Variants in PTPRN2 observed in about 807,000 individuals in gnomAD.
PTPRN2 encodes the protein receptor-type tyrosine-protein phosphatase N2.
A neutral mutation model predicts 118.8 loss-of-function variants in PTPRN2; 74 were observed. The ratio of observed to expected loss-of-function variants is 0.62; its 90% CI spans 0.52 to 0.76. The LOEUF (loss-of-function observed/expected upper bound fraction) is 0.76. PTPRN2 is among the 30% of genes least tolerant of loss of function. The probability of loss-of-function intolerance (pLI) is 0.00; values close to 1 mark genes in which losing one functional copy is unlikely to be tolerated. For missense variants in PTPRN2, 1,481 were observed against 1,394.4 expected (o/e 1.06, Z -0.99); for synonymous variants, 641 against 608.0 (o/e 1.05, Z -0.80).
At chr7:158,018,435 G>C (rs1309461535) in intron 11 of PTPRN2, among the ~76,000 whole-genome samples, 1 of 152,196 alleles carries the variant, frequency 6.6e-6, no homozygotes, top group African/African-American at 2.4e-5. Context: ...GTAGAAAACC[G>C]TGAAGCTGGA....
Position 157,576,594 on chromosome 7 carries a change from G to A in PTPRN2, c.2783+19C>T, listed in dbSNP as rs562087206. 2 of 1,596,068 alleles carry A rather than the reference G, an allele frequency of 1.3e-6. No homozygotes were observed. Among genetic ancestry groups the A allele is most frequent in the East Asian group, 2.3e-5 (1 of 44,144 alleles). On this transcript the variant is annotated intron_variant, in intron 19 of 22. Coordinates refer to ENST00000389418, the MANE Select transcript of PTPRN2 (RefSeq NM_002847.5). ...CGCGCTCAGCGCGCACTGCCCTGCC[G>A]GCGGGCCGCGCGTCATACCTGCGGA...
chr7:157,774,323 T>C (rs1803062423), intron 12 of PTPRN2, among the ~76,000 whole-genome samples: 1 of 152,224 alleles, frequency 6.6e-6, no homozygotes, highest in African/African-American at 2.4e-5. Flanking sequence ...GGCAAGGGAA[T>C]GCCTAGGGTT....
chr7:157,763,458 C>T lies in PTPRN2; in HGVS notation c.1789-80521G>A, dbSNP rs1180352217. 6.6e-6 allele frequency among the ~76,000 whole-genome samples: 1 copy of T among 152,132 alleles called. No homozygotes were observed. Among genetic ancestry groups the T allele is most frequent in the Non-Finnish European group, 1.5e-5 (1 of 68,040 alleles). On this transcript the variant is annotated intron_variant, in intron 12 of 22. Coordinates refer to ENST00000389418, the MANE Select transcript of PTPRN2 (RefSeq NM_002847.5). This position sits in a 1 kb window ranked among gnomAD's most constrained non-coding sequence, Gnocchi z 4.9. ...GTGGCCCTGAGCCAGGCTGGTGTGGCCTCGAGTCCCTTCTCCTAGCCCCAA... is the reference window on the plus strand; with the variant it reads ...GTGGCCCTGAGCCAGGCTGGTGTGGTCTCGAGTCCCTTCTCCTAGCCCCAA...
At chr7:157,904,212 A>T (rs913526584) in intron 11 of PTPRN2, among the ~76,000 whole-genome samples, 3 of 152,192 alleles carry the variant, frequency 2.0e-5, no homozygotes, top group African/African-American at 4.8e-5. Context: ...TGTGTGCCCC[A>T]CTAACAGCAC....
rs891546188 is a variant in PTPRN2, at chr7:157,729,025, G to A, written c.1789-46088C>T. Among the ~76,000 whole-genome samples, 1 of 152,202 alleles carries A rather than the reference G, an allele frequency of 6.6e-6. No homozygotes were observed. Among genetic ancestry groups the A allele is most frequent in the Non-Finnish European group, 1.5e-5 (1 of 68,042 alleles). ...CACGTGATCCAGTCACACAGAGGTC[G>A]GTCGTTGTCTGGACACAGACAATGG... On this transcript the variant is annotated intron_variant, in intron 12 of 22. Coordinates refer to ENST00000389418, the MANE Select transcript of PTPRN2 (RefSeq NM_002847.5). The surrounding 1 kb of genome is among the most constrained non-coding windows in gnomAD (Gnocchi z 4.3).
intron 3 of PTPRN2, among the ~76,000 whole-genome samples, chr7:158,300,319 C>G (rs1357102704): frequency 6.6e-6 from 1 of 152,196 alleles, no homozygotes; most frequent in Non-Finnish European, 1.5e-5. Flanking sequence ...AAGGTCCCCT[C>G]GTATCGTCTG....
chr7:158,550,623 T>A (rs1331664203), intron 1 of PTPRN2, among the ~76,000 whole-genome samples: 1 of 152,194 alleles, frequency 6.6e-6, no homozygotes, highest in Non-Finnish European at 1.5e-5. Context: ...TCCCAGGTGG[T>A]TTGACTTTTG....
chr7:157,950,270 G>T (rs931684591), intron 11 of PTPRN2, among the ~76,000 whole-genome samples: 3 of 152,146 alleles, frequency 2.0e-5, no homozygotes, highest in Non-Finnish European at 2.9e-5. Flanking sequence ...CCTAGCAAAC[G>T]CCTGGTGGGA....
intron 6 of PTPRN2, among the ~76,000 whole-genome samples, chr7:158,156,591 T>A (rs112226349): frequency 2.6e-5 from 4 of 152,142 alleles, no homozygotes; most frequent in Non-Finnish European, 5.9e-5. Context: ...AGAGGGCAGG[T>A]GAACACACAG....
intron 1 of PTPRN2, among the ~76,000 whole-genome samples, chr7:158,561,654 T>C (rs1300409082): frequency 7.2e-5 from 11 of 152,238 alleles, no homozygotes; most frequent in African/African-American, 2.7e-4. Context: ...TGCAGAATAT[T>C]GGGTCTAACA....
chr7:157,645,559 T>C (rs186507069), intron 14 of PTPRN2, among the ~76,000 whole-genome samples: 10 of 152,234 alleles, frequency 6.6e-5, no homozygotes, highest in African/African-American at 2.2e-4. Flanking sequence ...AAGTTTGAAA[T>C]TGCCTACATT....
chr7:157,922,927 C>T (rs1441401968), intron 11 of PTPRN2, among the ~76,000 whole-genome samples: 1 of 152,248 alleles, frequency 6.6e-6, no homozygotes, highest in African/African-American at 2.4e-5. Flanking sequence ...AGTGGCAAGC[C>T]TGCTCTGGGA....
intron 2 of PTPRN2, among the ~76,000 whole-genome samples, chr7:158,395,585 C>G (rs180805080): frequency 4.2e-4 from 3 of 7,122 alleles, no homozygotes; most frequent in Non-Finnish European, 8.9e-4. Context: ...CGCGAGGGGC[C>G]AGGGGTGAGG....
At chr7:158,156,217 C>G (rs1217616212) in intron 6 of PTPRN2, among the ~76,000 whole-genome samples, 1 of 152,138 alleles carries the variant, frequency 6.6e-6, no homozygotes, top group African/African-American at 2.4e-5. Context: ...CAGTCTGACA[C>G]TTTCTCTATT....
intron 9 of PTPRN2, among the ~76,000 whole-genome samples, chr7:158,111,564 T>G (rs766446775): frequency 6.6e-6 from 1 of 152,226 alleles, no homozygotes; most frequent in Non-Finnish European, 1.5e-5. Context: ...ATCCTGTTAG[T>G]ACCACTTTAA....
At chr7:158,415,880 C>G (rs10258272) in intron 2 of PTPRN2, among the ~76,000 whole-genome samples, 148,176 of 152,336 alleles carry the variant, frequency 0.97, 72,096 homozygotes, top group African/African-American at 0.99. Flanking sequence ...ATTTTCAATA[C>G]CAGAGCATTC....
intron 2 of PTPRN2, among the ~76,000 whole-genome samples, chr7:158,448,410 T>A (rs543450213): frequency 7.3e-5 from 11 of 150,664 alleles, no homozygotes; most frequent in Non-Finnish European, 3.0e-5. Flanking sequence ...GGAGGGAGGT[T>A]GGTTTCCACA....
At chr7:157,963,456 T>TG in intron 11 of PTPRN2, among the ~76,000 whole-genome samples, 1 of 152,394 alleles carries the variant, frequency 6.6e-6, no homozygotes, top group East Asian at 1.9e-4. Context: ...TTAAGCACCA[T>TG]GTCTGAGGTT....
At chr7:158,166,752 G>A (rs1447314339) in intron 6 of PTPRN2, among the ~76,000 whole-genome samples, 179 bp downstream of exon 6, 2 of 152,218 alleles carry the variant, frequency 1.3e-5, no homozygotes, top group Non-Finnish European at 2.9e-5. Context: ...TCCCAGCACA[G>A]AGAGGGTATG....
Sources: allele counts gnomAD v4.1 joint callset (sites outside exome capture counted in the v4.1 genomes callset), GRCh38; gene constraint gnomAD v4.1.1; non-coding constraint Gnocchi (gnomAD v3.1); transcripts MANE v1.5; gene names NCBI Gene and HGNC (gene_info 2026-07-23, HGNC 2026-07-21).